The following PARP10 variants were observed in gnomAD, a reference collection of about 807,000 sequenced individuals.
PARP10 encodes protein mono-ADP-ribosyltransferase PARP10.
Under a neutral mutation model 82.4 loss-of-function variants are expected in PARP10, and 56 were observed. That is an observed-to-expected ratio of 0.68 (90% CI 0.55 to 0.85). The LOEUF is 0.85. Among genes scored for constraint, PARP10 ranks in the 40% least tolerant of loss-of-function variants. The probability of loss-of-function intolerance (pLI) is 0.00; values close to 1 mark genes in which losing one functional copy is unlikely to be tolerated. For synonymous variants in PARP10, 576 were observed against 601.1 expected, an observed-to-expected ratio of 0.96 and a Z score of 0.61; for missense variants, 1,227 against 1,379.4, an observed-to-expected ratio of 0.89 and a Z score of 1.75.
At chr8:143,987,222 C>G (rs1834006694), upstream of PARP10, 1 of 152,458 alleles carries the variant, frequency 6.6e-6, no homozygotes, top group South Asian at 2.1e-4. Context: ...CACACTCCCA[C>G]TCGCCACAGA....
chr8:144,010,924 A>C (rs1329093790), intron 1 of PARP10, among the ~76,000 whole-genome samples: 1 of 151,996 alleles, frequency 6.6e-6, no homozygotes, highest in Non-Finnish European at 1.5e-5. Flanking sequence ...TAAAAATTAA[A>C]AAAATAAATT....
At chr8:143,991,066 A>G, upstream of PARP10, 1 of 522,910 alleles carries the variant, frequency 1.9e-6, no homozygotes, top group Non-Finnish European at 3.4e-6. Flanking sequence ...GGGGCTCCCC[A>G]CAGCCCGGGG....
At chr8:143,989,964 GGCGGCGCA>G (rs1834061636), upstream of PARP10, 1 of 152,128 alleles carries the variant, frequency 6.6e-6, no homozygotes, top group Non-Finnish European at 1.5e-5. The surrounding 1 kb of genome is among the most constrained non-coding windows in gnomAD (Gnocchi z 4.3). Context: ...GAACACGCAA[GGCGGCGCA>G]GCGGGAGGGG....
chr8:143,985,658 A>G lies in PARP10; in HGVS notation c.437-10T>C, dbSNP rs782557355. ...TCCAGGACACGGACATCTGTGGGGT[A>G]TGTGCAGGTCAGCTCAGGGAATCCC... is the stretch of plus-strand genomic sequence containing the variant. On this transcript the variant is annotated splice_polypyrimidine_tract_variant and intron_variant, in intron 3 of 10. Transcript: ENST00000313028. 4 of 1,611,980 alleles carry G rather than the reference A, an allele frequency of 2.5e-6. No individual in the cohort carries two copies. Among genetic ancestry groups the G allele is most frequent in the Non-Finnish European group, 3.4e-6 (4 of 1,179,306 alleles).
At chr8:143,995,351 C>T (rs781963313), upstream of PARP10, among the ~76,000 whole-genome samples, 8 of 152,190 alleles carry the variant, frequency 5.3e-5, no homozygotes, top group Non-Finnish European at 8.8e-5. Context: ...GGAGCACAGA[C>T]GCCTCCAGAA....
In PARP10 at chr8:144,008,474, G is replaced by C. The variant is rs1484924967; in HGVS notation, c.-80+4056C>G. The stretch of plus-strand genomic sequence containing the variant: ...TGTGCAAAAGCCAGTGACCCAAGAC[G>C]GGAAGGAGGAGATCTGACTCAGCAA... On this transcript the variant is annotated intron_variant, in intron 1 of 3. Transcript: ENST00000530478. This position sits in a 1 kb window ranked among gnomAD's most constrained non-coding sequence, Gnocchi z 4.0. Among the ~76,000 whole-genome samples, 4 of 152,210 alleles carry C rather than the reference G, an allele frequency of 2.6e-5. 1 individual carries two copies. Among genetic ancestry groups the C allele is most frequent in the Admixed American group, 2.6e-4 (4 of 15,280 alleles).
chr8:144,000,279 A>T (rs1222855021), intron 1 of PARP10, among the ~76,000 whole-genome samples: 1 of 152,174 alleles, frequency 6.6e-6, no homozygotes, highest in East Asian at 1.9e-4. Context: ...AACATAGCTG[A>T]TGCTTTTATA....
upstream of PARP10, among the ~76,000 whole-genome samples, chr8:143,994,200 T>G (rs1243575966): frequency 6.6e-6 from 1 of 152,172 alleles, no homozygotes; most frequent in Non-Finnish European, 1.5e-5. Context: ...TCAGTCCCCT[T>G]AGCACCTCTG....
Position 143,985,926 on chromosome 8 carries a change from C to T in PARP10, c.231G>A (p.Gln77=). 6.3e-7 allele frequency: 1 copy of T among 1,580,150 alleles called. No homozygotes were observed. Among genetic ancestry groups the T allele is most frequent in the Non-Finnish European group, 8.6e-7 (1 of 1,159,502 alleles). The change falls in exon 3 of 11, where the codon CAG becomes CAA. Residue 77 remains glutamine (Q), a synonymous_variant. Coordinates refer to ENST00000313028, the MANE Select transcript of PARP10 (RefSeq NM_032789.5). ...GTGGTGGAGCTGGCCGCAGGCTCAGCTGGGCACCATGTAGTTCGTGATCTG... is the reference window on the plus strand; with the variant it reads ...GTGGTGGAGCTGGCCGCAGGCTCAGTTGGGCACCATGTAGTTCGTGATCTG... ...AQADHELHGA[Q]LSLRPAPPRA... is the part of the protein sequence containing the mutation.
At position 143,983,443 on chromosome 8, in the gene PARP10, C is replaced by T; in HGVS notation, c.2146G>A (p.Glu716Lys). The T allele has an allele frequency of 6.2e-7, 1 of 1,605,738 alleles. No individual in the cohort carries two copies. Among genetic ancestry groups the T allele is most frequent in the South Asian group, 1.1e-5 (1 of 90,668 alleles). ...CGGTCCAGCTCCTCCACATCCTGCT[C>T]AAAGGCCGAGTGCACCACCAGCTGG... The part of the protein sequence containing the change: ...KAQLVVHSAF[E>K]QDVEELDRAL... Residue 716 changes from glutamate (E) to lysine (K), a missense_variant, in exon 8 of 11, where the codon GAG (glutamate) becomes AAG (lysine). Coordinates refer to ENST00000313028, the MANE Select transcript of PARP10 (RefSeq NM_032789.5).
rs985195914 is a variant in PARP10 at position 144,011,267 on chromosome 8, T to C, written c.-80+1263A>G. ...GAGACACTCTATAAAGTTAGAGGGG[T>C]GACTGAAGAGACCTCAACTCTGGTT... is the stretch of plus-strand genomic sequence containing the variant. On this transcript the variant is annotated intron_variant, in intron 1 of 3. Transcript: ENST00000530478. This position sits in a 1 kb window ranked among gnomAD's most constrained non-coding sequence, Gnocchi z 4.5. 1.3e-5 allele frequency among the ~76,000 whole-genome samples: 2 copies of C among 151,842 alleles called. No homozygotes were observed. The highest frequency in any genetic ancestry group is 2.9e-5 in the Non-Finnish European group (2 of 67,954).
upstream of PARP10, chr8:143,991,949 G>A (rs781871684): frequency 7.6e-5 from 122 of 1,613,762 alleles, no homozygotes; most frequent in Non-Finnish European, 9.2e-5. Flanking sequence ...TTGTTGCGGA[G>A]GTGAAGGGCT....
chr8:143,992,069 T>G (rs1466046173), upstream of PARP10: 1 of 1,613,684 alleles, frequency 6.2e-7, no homozygotes, highest in Non-Finnish European at 8.5e-7. Context: ...CCTGGAACCT[T>G]GTTGCACTGG....
upstream of PARP10, chr8:143,991,555 C>A (rs782511266): frequency 5.0e-6 from 8 of 1,584,420 alleles, no homozygotes; most frequent in East Asian, 2.2e-5. Context: ...CCCTTCCCCC[C>A]CAACCCCTAT....
chr8:143,983,540 T>G lies in PARP10; in HGVS notation c.2049A>C (p.Leu683=). The G allele has an allele frequency of 6.2e-7, 1 of 1,606,756 alleles. No individual in the cohort carries two copies. The change falls in exon 8 of 11, where the codon CTA becomes CTC. Residue 683 remains leucine (L), a synonymous_variant. Coordinates refer to ENST00000313028, the MANE Select transcript of PARP10 (RefSeq NM_032789.5). ...QEEAAALRQA[L]TLSLLEQPPL... is the part of the protein sequence containing the mutation. ...GGGGCTGCTCCAGCAGGGAGAGGGT[T>G]AGGGCTTGCCGCAGGGCAGCAGCCT...
chr8:143,990,972 C>A (rs1019532623), upstream of PARP10: 17 of 297,872 alleles, frequency 5.7e-5, no homozygotes, highest in Non-Finnish European at 8.7e-5. The surrounding 1 kb of genome is among the most constrained non-coding windows in gnomAD (Gnocchi z 5.6). Flanking sequence ...GCCCCTCCCC[C>A]ACCCTAAAGG....
intron 1 of PARP10, among the ~76,000 whole-genome samples, chr8:144,009,579 G>A (rs569494286): frequency 2.0e-5 from 3 of 152,102 alleles, no homozygotes; most frequent in Non-Finnish European, 2.9e-5. Context: ...TACCTCTAAC[G>A]TGTATCTTTC....
chr8:143,999,652 C>CT (rs11291116), intron 1 of PARP10, among the ~76,000 whole-genome samples: 102 of 144,638 alleles, frequency 7.1e-4, no homozygotes, highest in African/African-American at 9.4e-4. Context: ...AATTGAGCTT[C>CT]TTTTTTTTTT....
rs782443058 is a variant in PARP10, at chr8:143,982,940, C to T, written c.2548G>A (p.Val850Ile). 24 of 1,613,594 alleles carry T rather than the reference C, an allele frequency of 1.5e-5. No homozygotes were observed. Among genetic ancestry groups the T allele is most frequent in the African/African-American group, 8.0e-5 (6 of 74,948 alleles). The change falls in exon 9 of 11, where the codon GTC becomes ATC. Residue 850 changes from valine to isoleucine, a missense_variant. Coordinates refer to ENST00000313028, the MANE Select transcript of PARP10 (RefSeq NM_032789.5). ...ACAGGGCATGGACTCACACGAACGA[C>T]GCGGATGCTGCTGCGGGCAGCGTCC... ...TLDAARSSIRVVRVERVSHPL... is the reference protein window; with the variant it reads ...TLDAARSSIRIVRVERVSHPL...
Sources: allele counts gnomAD v4.1 joint callset (sites outside exome capture counted in the v4.1 genomes callset), GRCh38; gene constraint gnomAD v4.1.1; non-coding constraint Gnocchi (gnomAD v3.1); transcripts MANE v1.5; gene names NCBI Gene and HGNC (gene_info 2026-07-23, HGNC 2026-07-21).